Variants in SLC24A5 observed in about 807,000 individuals in gnomAD.
The protein encoded by SLC24A5 is sodium/potassium/calcium exchanger 5.
A neutral mutation model predicts 51.6 loss-of-function variants in SLC24A5; 46 were observed. The ratio of observed to expected loss-of-function variants is 0.89; its 90% confidence interval spans 0.70 to 1.14. The LOEUF (loss-of-function observed/expected upper bound fraction) is 1.14, where lower values mean the gene tolerates loss of function less well. Ranked by LOEUF, SLC24A5 falls within the 50% of genes most tolerant of loss-of-function variation. The probability of loss-of-function intolerance (pLI) is 0.00; values close to 1 mark genes in which losing one functional copy is unlikely to be tolerated. For synonymous variants in SLC24A5, 230 were observed against 214.9 expected (o/e 1.07, Z -0.62); for missense variants, 581 against 604.1 (o/e 0.96, Z 0.40).
At position 48,134,977 on chromosome 15, in the gene SLC24A5, G is replaced by T; in HGVS notation, c.583G>T (p.Val195Phe). 6.2e-7 allele frequency: 1 copy of T among 1,602,834 alleles called. No individual in the cohort carries two copies. The highest frequency in any genetic ancestry group is 8.5e-7 in the Non-Finnish European group (1 of 1,171,172). ...TCTTGGTATAATATATGACAACCAAGTTTACTGGTAAGCTTGAAAATAATT... is the reference window on the plus strand; with the variant it reads ...TCTTGGTATAATATATGACAACCAATTTTACTGGTAAGCTTGAAAATAATT... ...AVLGIIYDNQVYWYEGALLLL... is the reference protein window; with the variant it reads ...AVLGIIYDNQFYWYEGALLLL... Residue 195 changes from valine to phenylalanine, a missense_variant, in exon 5 of 9, where the codon GTT becomes TTT. By Grantham distance (50) the Val-to-Phe change is conservative. Coordinates refer to ENST00000341459, the MANE Select transcript of SLC24A5 (RefSeq NM_205850.3).
chr15:48,136,728 G>A lies in SLC24A5; in HGVS notation c.636G>A (p.Leu212=). 5.6e-6 allele frequency: 9 copies of A among 1,613,372 alleles called. No individual in the cohort carries two copies. Among genetic ancestry groups the A allele is most frequent in the Non-Finnish European group, 6.8e-6 (8 of 1,179,692 alleles). Reference sequence around the variant, plus strand: ...TTTTGATATATGGATTGTATGTTTTGGTGCTGTGTTTTGACATTAAAATTA... The same window carrying A: ...TTTTGATATATGGATTGTATGTTTTAGTGCTGTGTTTTGACATTAAAATTA... ...LLLLIYGLYV[L]VLCFDIKINQ... is the part of the protein sequence containing the mutation. The change falls in exon 6 of 9, where the codon TTG becomes TTA. Residue 212 remains leucine (L), a synonymous_variant. Coordinates refer to ENST00000341459, the MANE Select transcript of SLC24A5 (RefSeq NM_205850.3).
chr15:48,121,769 C>T (rs902600641), intron 1 of SLC24A5, 88 bp from the exon 2 acceptor site: 2 of 1,333,408 alleles, frequency 1.5e-6, no homozygotes, highest in Non-Finnish European at 2.1e-6. Flanking sequence ...GGTTACCCCA[C>T]ACTTACAGAT....
At chr15:48,137,823 T>C (rs2038939888) in intron 6 of SLC24A5, 1 of 152,146 alleles carries the variant, frequency 6.6e-6, no homozygotes, top group Non-Finnish European at 1.5e-5. Context: ...AGGTTTACCA[T>C]TGTTTAAAGC....
intron 7 of SLC24A5, chr15:48,140,098 A>T (rs1597271218): frequency 6.6e-6 from 1 of 152,088 alleles, no homozygotes; most frequent in Non-Finnish European, 1.5e-5. Context: ...CCTTTTTTTA[A>T]TGAGAAAAAT....
chr15:48,131,672 CT>C (rs1006997243), intron 2 of SLC24A5, among the ~76,000 whole-genome samples: 17 of 151,946 alleles, frequency 1.1e-4, no homozygotes, highest in African/African-American at 9.7e-5. Flanking sequence ...CCAAATAAAC[CT>C]TTTTTTCTTT....
chr15:48,139,340 G>T, intron 7 of SLC24A5, 165 bp downstream of exon 7: 4 of 549,168 alleles, frequency 7.3e-6, no homozygotes, highest in Middle Eastern at 9.9e-4. Flanking sequence ...AAGATCACTG[G>T]AGTTTGTGAG....
intron 2 of SLC24A5, 130 bp from the exon 3 acceptor site, chr15:48,134,128 T>A: frequency 1.3e-6 from 1 of 754,454 alleles, no homozygotes; most frequent in Non-Finnish European, 2.2e-6. Context: ...TCTTTTAATC[T>A]GTGTATTTTA....
chr15:48,141,096 A>T lies in SLC24A5; in HGVS notation c.1079-17A>T. 1 of 1,582,768 alleles carries T rather than the reference A, an allele frequency of 6.3e-7. No homozygotes were observed. Among genetic ancestry groups the T allele is most frequent in the Non-Finnish European group, 8.7e-7 (1 of 1,154,592 alleles). ...GAATCTTTAAGATTTGTAACTTGAA[A>T]TATCTGTTTATTACAGGGGAAACAC... On this transcript the variant is annotated splice_polypyrimidine_tract_variant and intron_variant, in intron 7 of 8. Transcript: ENST00000341459.
chr15:48,124,257 T>C (rs908793848), intron 2 of SLC24A5: 28 of 152,098 alleles, frequency 1.8e-4, no homozygotes, highest in Non-Finnish European at 4.4e-5. Context: ...TTTTAAAATT[T>C]ATTTATTTTT....
chr15:48,137,224 T>C (rs2038923167), intron 6 of SLC24A5: 1 of 383,094 alleles, frequency 2.6e-6, no homozygotes, highest in Non-Finnish European at 4.7e-6. Context: ...ATTGCCAAAA[T>C]GTGGTGAGGA....
intron 2 of SLC24A5, among the ~76,000 whole-genome samples, chr15:48,130,865 A>G (rs2038782833): frequency 6.6e-6 from 1 of 152,104 alleles, no homozygotes; most frequent in Non-Finnish European, 1.5e-5. Context: ...CCATGTTCTA[A>G]TGGGCCTAAG....
chr15:48,141,194 G>A lies in SLC24A5; in HGVS notation c.1160G>A (p.Ser387Asn), dbSNP rs376006338. Residue 387 changes from serine (S) to asparagine (N), a missense_variant, in exon 8 of 9, where the codon AGT (serine) becomes AAT (asparagine). Transcript: ENST00000341459. ...ACAAGCATACCAGACACAATTGCAA[G>A]TGTGTTGGTTGCAAGAAAAGGTAAG... Reference protein sequence around the residue: ...AGTSIPDTIASVLVARKGKGD... With the variant: ...AGTSIPDTIANVLVARKGKGD... The A allele has an allele frequency of 1.2e-6, 2 of 1,613,388 alleles. No individual in the cohort carries two copies. The highest frequency in any genetic ancestry group is 1.7e-5 in the Admixed American group (1 of 60,010).
Position 48,142,253 on chromosome 15 carries a change from ATAGTC to A in SLC24A5, c.1407_1411del (p.Ile469MetfsTer16), listed in dbSNP as rs746029159. 7.6e-5 allele frequency: 123 copies of A among 1,613,760 alleles called. No individual in the cohort carries two copies. The highest frequency in any genetic ancestry group is 1.0e-4 in the Non-Finnish European group (122 of 1,179,772). On this transcript the variant is annotated frameshift_variant, in exon 9 of 9. Transcript: ENST00000341459. LOFTEE classifies it high-confidence loss of function. ...CTGGAAACTAGACAGAAAGTTGGGA[ATAGTC>A]TGCCTATTATCATACTTGGGGCTTG...
chr15:48,140,445 T>A (rs2039030204), intron 7 of SLC24A5: 1 of 152,168 alleles, frequency 6.6e-6, no homozygotes, highest in Admixed American at 6.5e-5. Context: ...AACAGTTACA[T>A]AACCTTTTGT....
intron 2 of SLC24A5, among the ~76,000 whole-genome samples, chr15:48,126,218 C>T (rs1485622277): frequency 1.3e-5 from 2 of 152,288 alleles, no homozygotes; most frequent in African/African-American, 2.4e-5. Flanking sequence ...CCTCTACCCT[C>T]GAACACTGGA....
At chr15:48,128,016 T>C (rs1177146992) in intron 2 of SLC24A5, among the ~76,000 whole-genome samples, 1 of 151,364 alleles carries the variant, frequency 6.6e-6, no homozygotes, top group Admixed American at 6.6e-5. Flanking sequence ...TAATATAAAC[T>C]ATATTCATTT....
chr15:48,133,809 GGACA>G (rs2038827990), intron 2 of SLC24A5, among the ~76,000 whole-genome samples: 1 of 152,038 alleles, frequency 6.6e-6, no homozygotes, highest in African/African-American at 2.4e-5. Flanking sequence ...AAATTTGAAC[GGACA>G]GTTGAGATGA....
chr15:48,132,898 T>C (rs1036753622), intron 2 of SLC24A5, among the ~76,000 whole-genome samples: 5 of 152,100 alleles, frequency 3.3e-5, no homozygotes, highest in African/African-American at 9.7e-5. Context: ...TCACCTTTTA[T>C]GTAGGGGATT....
In SLC24A5 at chr15:48,134,315, C is replaced by T; in HGVS notation, c.359C>T (p.Ala120Val). The T allele has an allele frequency of 6.2e-7, 1 of 1,613,622 alleles. No homozygotes were observed. The highest frequency in any genetic ancestry group is 2.2e-5 in the East Asian group (1 of 44,874). The change falls in exon 3 of 9, where the codon GCT becomes GTT. Residue 120 changes from alanine (A) to valine (V), a missense_variant. Coordinates refer to ENST00000341459, the MANE Select transcript of SLC24A5 (RefSeq NM_205850.3). ...ACTTTCATGGCAGCGGGCAGTTCAG[C>T]TCCTGAATTAGTTACTGCTTTCCTA... ...GTTFMAAGSS[A>V]PELVTAFLGV...
Sources: allele counts gnomAD v4.1 joint callset (sites outside exome capture counted in the v4.1 genomes callset), GRCh38; gene constraint gnomAD v4.1.1; transcripts MANE v1.5; gene names NCBI Gene and HGNC (gene_info 2026-07-23, HGNC 2026-07-21).